INTS8: variants seen among roughly 807,000 people sequenced by gnomAD.
INTS8 encodes protein kaonashi-1.
INTS8 carries 47 observed loss-of-function variants against 138.9 expected under a neutral mutation model. The ratio of observed to expected loss-of-function variants is 0.34; its 90% CI spans 0.27 to 0.43. The LOEUF (loss-of-function observed/expected upper bound fraction) is 0.43, where lower values mean the gene tolerates loss of function less well. Among genes scored for constraint, INTS8 ranks in the 20% least tolerant of loss-of-function variants. INTS8 has a pLI of 1.00. For missense variants in INTS8, 996 were observed against 1,173.0 expected (o/e 0.85, Z 2.20); for synonymous variants, 392 against 400.9 (o/e 0.98, Z 0.27).
intron 12 of INTS8, among the ~76,000 whole-genome samples, 193 bp downstream of exon 12, chr8:94,850,284 T>A (rs1815482249): frequency 6.6e-6 from 1 of 152,204 alleles, no homozygotes; most frequent in African/African-American, 2.4e-5. Context: ...AAGCCAATGA[T>A]TAGTACAGAT....
At chr8:94,854,014 G>C (rs1180246338) in intron 14 of INTS8, 99 bp downstream of exon 14, 1 of 685,008 alleles carries the variant, frequency 1.5e-6, no homozygotes, top group Admixed American at 2.1e-5. Flanking sequence ...AGTCTGAGGT[G>C]GGCAGATCAA....
At chr8:94,834,827 A>G (rs944673636) in intron 6 of INTS8, among the ~76,000 whole-genome samples, 11 of 152,216 alleles carry the variant, frequency 7.2e-5, no homozygotes, top group African/African-American at 2.4e-4. Flanking sequence ...TTTATAAAGC[A>G]TATCAGTGAA....
At chr8:94,845,663 A>G (rs1448801498) in intron 10 of INTS8, among the ~76,000 whole-genome samples, 1 of 152,094 alleles carries the variant, frequency 6.6e-6, no homozygotes, top group Non-Finnish European at 1.5e-5. Flanking sequence ...GGGTTTCACG[A>G]TATTGGCCAG....
intron 14 of INTS8, among the ~76,000 whole-genome samples, chr8:94,856,514 A>G (rs981127866): frequency 4.4e-4 from 67 of 152,252 alleles, no homozygotes; most frequent in African/African-American, 1.5e-3. Context: ...GTCTTTGGTT[A>G]TCTTATAACT....
At chr8:94,840,969 G>A (rs145609132) in intron 8 of INTS8, among the ~76,000 whole-genome samples, 7,204 of 149,364 alleles carry the variant, frequency 0.048, 237 homozygotes, top group Middle Eastern at 0.066. Context: ...CTGGAGTGCA[G>A]TGGCACCATC....
chr8:94,872,734 A>T (rs1037352153), intron 21 of INTS8, among the ~76,000 whole-genome samples: 1 of 152,198 alleles, frequency 6.6e-6, no homozygotes, highest in Admixed American at 6.5e-5. Context: ...CAATGCTTCT[A>T]TTACTCTACA....
At chr8:94,852,678 T>C (rs1486615085) in intron 13 of INTS8, among the ~76,000 whole-genome samples, 1 of 151,800 alleles carries the variant, frequency 6.6e-6, no homozygotes, top group Non-Finnish European at 1.5e-5. Context: ...AACCTCCGCC[T>C]CCCGGGTTCA....
intron 16 of INTS8, among the ~76,000 whole-genome samples, chr8:94,861,295 T>G (rs1417919639): frequency 1.3e-5 from 1 of 79,030 alleles, no homozygotes; most frequent in African/African-American, 5.2e-5. Context: ...GGAGTCTCGC[T>G]CTGTCGCCCA....
In INTS8 at chr8:94,843,537, A is replaced by T. The variant is rs138177858; in HGVS notation, c.1260+1049A>T. 1.1e-3 allele frequency among the ~76,000 whole-genome samples: 172 copies of T among 152,254 alleles called. 2 individuals are homozygous for T. The East Asian group carries it at 0.027, about 24-fold the overall frequency. The stretch of plus-strand genomic sequence containing the variant: ...AGTGGAGATTACGCCACTGCACTCC[A>T]GCCTGGGCAACAGTGAGAGACTCCA... On this transcript the variant is annotated intron_variant, in intron 10 of 26. Coordinates refer to ENST00000523731, the MANE Select transcript of INTS8 (RefSeq NM_017864.4).
At chr8:94,854,566 T>G (rs139909586) in intron 14 of INTS8, among the ~76,000 whole-genome samples, 3 of 152,330 alleles carry the variant, frequency 2.0e-5, no homozygotes, top group Admixed American at 2.0e-4. Context: ...TCTGGGATGT[T>G]GAGACATAAG....
chr8:94,838,484 T>C lies in INTS8; in HGVS notation c.883T>C (p.Cys295Arg). ...ACAGATAGGTTCATTATCTCTTCATTGTACCATAGATGAGAAGCGGTTAGC... is the reference window on the plus strand; with the variant it reads ...ACAGATAGGTTCATTATCTCTTCATCGTACCATAGATGAGAAGCGGTTAGC... ...IAEIGSLSLH[C>R]TIDEKRLAGY... The change falls in exon 8 of 27, where the codon TGT becomes CGT. Residue 295 changes from cysteine (C) to arginine (R), a missense_variant. Physicochemically the swap from Cys to Arg is radical, Grantham distance 180 (BLOSUM62 -3). Transcript: ENST00000523731. 6.2e-7 allele frequency: 1 copy of C among 1,613,396 alleles called. No homozygotes were observed. Among genetic ancestry groups the C allele is most frequent in the Non-Finnish European group, 8.5e-7 (1 of 1,179,296 alleles).
chr8:94,828,810 G>A (rs1814606123), intron 4 of INTS8, among the ~76,000 whole-genome samples, 165 bp from the exon 5 acceptor site: 3 of 152,258 alleles, frequency 2.0e-5, no homozygotes, highest in African/African-American at 2.4e-5. Flanking sequence ...ACGTTAATAA[G>A]CATCATAATA....
intron 10 of INTS8, among the ~76,000 whole-genome samples, chr8:94,843,102 T>C (rs1815194937): frequency 6.6e-6 from 1 of 152,246 alleles, no homozygotes; most frequent in South Asian, 2.1e-4. Flanking sequence ...TGCTTTCTTT[T>C]ATATTTGTAT....
At chr8:94,863,131 G>A (rs1437328601) in intron 16 of INTS8, among the ~76,000 whole-genome samples, 1 of 152,192 alleles carries the variant, frequency 6.6e-6, no homozygotes, top group Non-Finnish European at 1.5e-5. Context: ...ACAGGTTATA[G>A]GCACTTGGAT....
At chr8:94,832,681 G>A (rs1354169089) in intron 6 of INTS8, among the ~76,000 whole-genome samples, 1 of 151,712 alleles carries the variant, frequency 6.6e-6, no homozygotes, top group Non-Finnish European at 1.5e-5. Flanking sequence ...TTGAGACGGA[G>A]TCTTGCTCTG....
At chr8:94,865,790 TTTA>T in intron 17 of INTS8, 100 bp downstream of exon 17, 1 of 1,091,422 alleles carries the variant, frequency 9.2e-7, no homozygotes, top group Non-Finnish European at 1.3e-6. Flanking sequence ...AACATCAGCT[TTTA>T]TTCTGTATAT....
chr8:94,863,264 G>A (rs1488351332), intron 16 of INTS8, among the ~76,000 whole-genome samples: 1 of 152,146 alleles, frequency 6.6e-6, no homozygotes, highest in African/African-American at 2.4e-5. Flanking sequence ...CCTCCTCCAG[G>A]TGCAGTTCCC....
intron 23 of INTS8, among the ~76,000 whole-genome samples, chr8:94,875,427 T>C (rs908257490): frequency 3.3e-5 from 5 of 152,104 alleles, no homozygotes; most frequent in African/African-American, 9.7e-5. Context: ...TAGGCAAATG[T>C]ATGGAGACAA....
At position 94,880,201 on chromosome 8, in the gene INTS8, G is replaced by GTTTCTC; in HGVS notation, c.2956_2961dup (p.Phe986_Leu987dup). On this transcript the variant is annotated inframe_insertion, in exon 27 of 27. Coordinates refer to ENST00000523731, the MANE Select transcript of INTS8 (RefSeq NM_017864.4). Reference sequence around the variant, plus strand: ...TGGCAGCGCAGAGAAGGAAAAAAAAGTTTCTCCAAGCAATGGCAAAACTTT... The same window carrying GTTTCTC: ...TGGCAGCGCAGAGAAGGAAAAAAAAGTTTCTCTTTCTCCAAGCAATGGCAAAACTTT... 1 of 1,608,768 alleles carries GTTTCTC rather than the reference G, an allele frequency of 6.2e-7. No individual in the cohort carries two copies. The highest frequency in any genetic ancestry group is 8.5e-7 in the Non-Finnish European group (1 of 1,178,130).
Sources: allele counts gnomAD v4.1 joint callset (sites outside exome capture counted in the v4.1 genomes callset), GRCh38; gene constraint gnomAD v4.1.1; transcripts MANE v1.5; gene names NCBI Gene and HGNC (gene_info 2026-07-23, HGNC 2026-07-21).